The following UNC13C variants were observed in gnomAD, a reference collection of about 807,000 sequenced individuals.
UNC13C encodes the protein protein unc-13 homolog C.
In UNC13C, 174 loss-of-function variants were observed where a neutral mutation model predicts 245.4. The ratio of observed to expected loss-of-function variants is 0.71; its 90% CI spans 0.63 to 0.80. UNC13C has a LOEUF of 0.80. UNC13C is among the 30% of genes least tolerant of loss of function. The pLI, the probability that UNC13C is intolerant of heterozygous loss-of-function variation, is 0.00. For missense variants in UNC13C, 2,829 were observed against 2,602.9 expected, an observed-to-expected ratio of 1.09 and a Z score of -1.89; for synonymous variants, 992 against 895.1, an observed-to-expected ratio of 1.11 and a Z score of -1.93.
At chr15:54,176,611 AT>A (rs2033624398) in intron 4 of UNC13C, among the ~76,000 whole-genome samples, 1 of 152,172 alleles carries the variant, frequency 6.6e-6, no homozygotes, top group Admixed American at 6.5e-5. Context: ...ATAATAATTC[AT>A]ATCCACCTTA....
the UNC13C span, among the ~76,000 whole-genome samples, chr15:53,949,392 A>T: frequency 6.6e-6 from 1 of 152,238 alleles, no homozygotes; most frequent in Non-Finnish European, 1.5e-5. Context: ...GGAAATCCAT[A>T]GACATTTATT....
chr15:54,049,091 G>T, intron 2 of UNC13C: 2 of 371,724 alleles, frequency 5.4e-6, no homozygotes, highest in Admixed American at 4.0e-5. Context: ...TTCTATCATT[G>T]GTAAGTCCTT....
intron 2 of UNC13C, among the ~76,000 whole-genome samples, chr15:54,103,222 C>A (rs1190364466): frequency 1.3e-5 from 2 of 152,202 alleles, no homozygotes; most frequent in Non-Finnish European, 2.9e-5. Context: ...TGCTCTCTTA[C>A]ACATAGACAT....
At chr15:54,569,502 C>T (rs1012473673) in intron 30 of UNC13C, among the ~76,000 whole-genome samples, 2 of 151,966 alleles carry the variant, frequency 1.3e-5, no homozygotes, top group Non-Finnish European at 2.9e-5. Flanking sequence ...AAATATTTTC[C>T]ATCCGCAGTT....
the UNC13C span, among the ~76,000 whole-genome samples, chr15:53,880,549 T>C: frequency 2.0e-5 from 3 of 152,164 alleles, no homozygotes; most frequent in Admixed American, 6.5e-5. Context: ...TCAAGAAGCT[T>C]CCTGTGAGGT....
chr15:54,620,436 A>G (rs764495112), intron 30 of UNC13C, among the ~76,000 whole-genome samples: 2 of 152,188 alleles, frequency 1.3e-5, no homozygotes, highest in Non-Finnish European at 2.9e-5. Context: ...AAGGACATCA[A>G]AACTCACATA....
chr15:54,531,680 A>G (rs2141149282), intron 25 of UNC13C, among the ~76,000 whole-genome samples: 1 of 152,082 alleles, frequency 6.6e-6, no homozygotes, highest in East Asian at 1.9e-4. Context: ...TTGAAATATA[A>G]TTCACATACC....
intron 12 of UNC13C, 53 bp from the exon 13 acceptor site, chr15:54,300,156 GT>G: frequency 1.3e-6 from 2 of 1,519,626 alleles, no homozygotes; most frequent in East Asian, 4.8e-5. Context: ...TTAGTTAAAT[GT>G]TTCTGGCCTA....
chr15:54,017,888 T>C (rs1032691270), intron 2 of UNC13C, among the ~76,000 whole-genome samples: 4 of 152,180 alleles, frequency 2.6e-5, no homozygotes, highest in Non-Finnish European at 5.9e-5. Context: ...CTCTTGGAGC[T>C]TGGCTTCTTA....
the UNC13C span, among the ~76,000 whole-genome samples, chr15:53,960,557 T>G: frequency 6.6e-6 from 1 of 151,048 alleles, no homozygotes; most frequent in African/African-American, 2.5e-5. Context: ...AAATAAAACT[T>G]ATTATTTGGA....
At chr15:54,591,636 T>C (rs1357197077) in intron 30 of UNC13C, among the ~76,000 whole-genome samples, 1 of 152,108 alleles carries the variant, frequency 6.6e-6, no homozygotes, top group Non-Finnish European at 1.5e-5. Flanking sequence ...GTTGTAATAT[T>C]TCCTGTTTTG....
intron 2 of UNC13C, among the ~76,000 whole-genome samples, chr15:54,114,515 C>A (rs2030083039): frequency 6.6e-6 from 1 of 152,168 alleles, no homozygotes; most frequent in Non-Finnish European, 1.5e-5. Flanking sequence ...AAACTACTCA[C>A]ATGGATGCCT....
chr15:54,199,674 A>G (rs896168229), intron 4 of UNC13C, among the ~76,000 whole-genome samples: 4 of 152,154 alleles, frequency 2.6e-5, no homozygotes, highest in Admixed American at 6.6e-5. Flanking sequence ...ACAGCACTAC[A>G]AAGACTGTTA....
the UNC13C span, among the ~76,000 whole-genome samples, chr15:53,956,251 A>AATCG: frequency 1.3e-5 from 2 of 152,184 alleles, no homozygotes; most frequent in African/African-American, 4.8e-5. Flanking sequence ...TGATAGAATC[A>AATCG]ATCGCATCCC....
chr15:54,103,945 G>T (rs1286541850), intron 2 of UNC13C, among the ~76,000 whole-genome samples: 1 of 144,370 alleles, frequency 6.9e-6, no homozygotes, highest in Non-Finnish European at 1.5e-5. Context: ...GGGTTTCACC[G>T]TGTTGGCCAG....
intron 2 of UNC13C, among the ~76,000 whole-genome samples, chr15:54,132,762 A>G (rs1222344564): frequency 6.6e-6 from 1 of 152,296 alleles, no homozygotes; most frequent in African/African-American, 2.4e-5. Context: ...TAATATGGTG[A>G]CAAATAGAGC....
chr15:54,290,955 G>T (rs1364967696), intron 10 of UNC13C, among the ~76,000 whole-genome samples: 1 of 151,978 alleles, frequency 6.6e-6, no homozygotes, highest in African/African-American at 2.4e-5. Context: ...TTCTGCATTT[G>T]CAATGTATTG....
chr15:54,266,698 T>A (rs1288086409), intron 10 of UNC13C, among the ~76,000 whole-genome samples: 1 of 152,056 alleles, frequency 6.6e-6, no homozygotes, highest in Non-Finnish European at 1.5e-5. Flanking sequence ...GTGTACATTT[T>A]GTTAAGTTTT....
intron 19 of UNC13C, among the ~76,000 whole-genome samples, chr15:54,430,117 A>G (rs1567265255): frequency 6.6e-6 from 1 of 151,684 alleles, no homozygotes; most frequent in Non-Finnish European, 1.5e-5. Context: ...CTCTAATCTA[A>G]TAGTATGTTG....
Sources: gnomAD v4.1 joint callset for allele counts (sites outside exome capture counted in the v4.1 genomes callset) on GRCh38, gnomAD v4.1.1 for gene constraint, MANE v1.5 for transcripts, NCBI Gene and HGNC (gene_info 2026-07-23, HGNC 2026-07-21) for gene names.